WWOX: variants seen among roughly 807,000 people sequenced by gnomAD.
WWOX encodes the protein WW domain containing oxidoreductase, also known as WW domain-containing oxidoreductase.
In WWOX, 69 loss-of-function variants were observed where a neutral mutation model predicts 46.2. The ratio of observed to expected loss-of-function variants is 1.49; its 90% CI spans 1.23 to 1.82. WWOX has a LOEUF of 1.82. Ranked by LOEUF, WWOX falls within the 40% of genes most tolerant of loss-of-function variation. WWOX has a pLI of 0.00. For synonymous variants in WWOX, 359 were observed against 202.6 expected, an observed-to-expected ratio of 1.77 and a Z score of -6.56; for missense variants, 919 against 542.6, an observed-to-expected ratio of 1.69 and a Z score of -6.89.
chr16:78,760,750 T>A (rs563425802), intron 8 of WWOX, among the ~76,000 whole-genome samples: 1 of 152,304 alleles, frequency 6.6e-6, no homozygotes, highest in South Asian at 2.1e-4. Flanking sequence ...CTCTCATGCC[T>A]GGAGAGCATT....
In WWOX at chr16:78,344,324, C is replaced by T. The variant is rs188048732; in HGVS notation, c.517-42536C>T. Reference sequence around the variant, plus strand: ...CATTGCTTAATTTCTCTAAAATCTGCATTTGTCAATTTTGTATTTTTTTAT... The same window carrying T: ...CATTGCTTAATTTCTCTAAAATCTGTATTTGTCAATTTTGTATTTTTTTAT... On this transcript the variant is annotated intron_variant, in intron 5 of 8. Transcript: ENST00000566780. 1.1e-3 allele frequency among the ~76,000 whole-genome samples: 139 copies of T among 120,958 alleles called. 34 individuals are homozygous for T. The highest frequency in any genetic ancestry group is 3.9e-3 in the African/African-American group (138 of 35,748). 79.4% of individuals were successfully genotyped at this position (120,958 alleles called of 152,430 possible).
At chr16:78,863,639 T>G (rs1377987142) in intron 8 of WWOX, among the ~76,000 whole-genome samples, 1 of 152,144 alleles carries the variant, frequency 6.6e-6, no homozygotes, top group African/African-American at 2.4e-5. Context: ...AGTCTCTTAT[T>G]TACTCAGTGT....
At chr16:78,859,070 A>ATT (rs2052654907) in intron 8 of WWOX, among the ~76,000 whole-genome samples, 1 of 131,922 alleles carries the variant, frequency 7.6e-6, no homozygotes, top group East Asian at 2.2e-4. Context: ...ATATATATAT[A>ATT]TATGAAAAAA....
At chr16:78,732,167 G>C (rs1171280717) in intron 8 of WWOX, among the ~76,000 whole-genome samples, 1 of 152,038 alleles carries the variant, frequency 6.6e-6, no homozygotes, top group Non-Finnish European at 1.5e-5. Context: ...CCCAAAACTT[G>C]AATCTGGGCC....
intron 6 of WWOX, among the ~76,000 whole-genome samples, chr16:78,401,849 G>A (rs745851344): frequency 1.3e-4 from 20 of 151,944 alleles, no homozygotes; most frequent in Non-Finnish European, 2.6e-4. Context: ...ACAGGTGTGC[G>A]CCACCACGCT....
At chr16:78,910,591 T>C (rs1291836952) in intron 8 of WWOX, among the ~76,000 whole-genome samples, 1 of 151,774 alleles carries the variant, frequency 6.6e-6, no homozygotes, top group Non-Finnish European at 1.5e-5. Context: ...GAGTAATTTA[T>C]AAAGGAAAGA....
At chr16:78,902,100 G>C (rs974008322) in intron 8 of WWOX, among the ~76,000 whole-genome samples, 1 of 152,226 alleles carries the variant, frequency 6.6e-6, no homozygotes, top group Non-Finnish European at 1.5e-5. Context: ...GCAGATTTCA[G>C]AGCTGGCAGA....
chr16:78,511,267 GT>G (rs2151486905), intron 8 of WWOX, among the ~76,000 whole-genome samples: 1 of 152,304 alleles, frequency 6.6e-6, no homozygotes, highest in South Asian at 2.1e-4. Context: ...TAGTCACCAT[GT>G]CTTTTCCCTT....
intron 8 of WWOX, among the ~76,000 whole-genome samples, chr16:78,465,609 C>G (rs534499512): frequency 3.9e-5 from 6 of 152,232 alleles, no homozygotes; most frequent in East Asian, 1.9e-4. Flanking sequence ...ATTTAACATG[C>G]TTTTCAGGAA....
chr16:78,589,072 T>G (rs2045290954), intron 8 of WWOX, among the ~76,000 whole-genome samples: 1 of 152,204 alleles, frequency 6.6e-6, no homozygotes, highest in African/African-American at 2.4e-5. Context: ...ACCTGTAGAT[T>G]CTCCCACTGT....
intron 8 of WWOX, among the ~76,000 whole-genome samples, chr16:78,929,796 A>C (rs1237065850): frequency 1.3e-5 from 2 of 152,236 alleles, no homozygotes; most frequent in African/African-American, 2.4e-5. Flanking sequence ...GACCTGGGGC[A>C]ATGCCATAAA....
chr16:79,153,145 A>G (rs965496148), intron 8 of WWOX, among the ~76,000 whole-genome samples: 1 of 152,126 alleles, frequency 6.6e-6, no homozygotes, highest in Non-Finnish European at 1.5e-5. Context: ...TTTTCATTCA[A>G]CCGCCAAGAA....
intron 8 of WWOX, among the ~76,000 whole-genome samples, chr16:78,515,148 C>G (rs1427222541): frequency 6.6e-6 from 1 of 152,080 alleles, no homozygotes; most frequent in East Asian, 1.9e-4. Flanking sequence ...CACTTGAACC[C>G]GGGAGGCGGA....
chr16:78,260,458 A>T (rs1328795986), intron 5 of WWOX, among the ~76,000 whole-genome samples: 1 of 151,526 alleles, frequency 6.6e-6, no homozygotes, highest in Non-Finnish European at 1.5e-5. Context: ...TGAGGCCAGG[A>T]GTTTGAGACC....
At chr16:78,698,100 T>C (rs1184770616) in intron 8 of WWOX, among the ~76,000 whole-genome samples, 1 of 152,208 alleles carries the variant, frequency 6.6e-6, no homozygotes, top group Non-Finnish European at 1.5e-5. Context: ...CATGTATATA[T>C]TTTCAACTCT....
chr16:78,715,750 T>C (rs2142336883), intron 8 of WWOX, among the ~76,000 whole-genome samples: 1 of 152,318 alleles, frequency 6.6e-6, no homozygotes, highest in East Asian at 1.9e-4. Flanking sequence ...ATTCTGGGAT[T>C]ACAGGCATGA....
intron 8 of WWOX, among the ~76,000 whole-genome samples, chr16:79,188,950 A>G (rs1241444015): frequency 2.0e-5 from 3 of 152,164 alleles, no homozygotes; most frequent in African/African-American, 7.2e-5. Context: ...ATGCTCAATA[A>G]TTATAGTCTT....
intron 8 of WWOX, among the ~76,000 whole-genome samples, chr16:78,657,829 GTT>G (rs2047116335): frequency 1.3e-5 from 2 of 152,092 alleles, no homozygotes; most frequent in Admixed American, 6.5e-5. Flanking sequence ...TTGTGTGTGT[GTT>G]ATTTTGTTTT....
intron 8 of WWOX, among the ~76,000 whole-genome samples, chr16:78,584,720 C>A (rs572521567): frequency 1.3e-5 from 2 of 152,248 alleles, no homozygotes; most frequent in Admixed American, 6.5e-5. Context: ...AGTTAGCTTA[C>A]CAGGGGGTGG....
Sources: gnomAD v4.1 joint callset for allele counts (sites outside exome capture counted in the v4.1 genomes callset) on GRCh38, gnomAD v4.1.1 for gene constraint, MANE v1.5 for transcripts, NCBI Gene and HGNC (gene_info 2026-07-23, HGNC 2026-07-21) for gene names.